The following ANKRD36C variants were observed in gnomAD, a reference collection of about 807,000 sequenced individuals.
ANKRD36C encodes ankyrin repeat domain-containing protein 36C.
A neutral mutation model predicts 276.4 loss-of-function variants in ANKRD36C; 61 were observed. That is an observed-to-expected ratio of 0.22 (90% CI 0.18 to 0.27). The LOEUF is 0.27. Ranked by LOEUF, ANKRD36C falls within the 10% of genes least tolerant of loss-of-function variation. ANKRD36C has a pLI of 1.00. For synonymous variants in ANKRD36C, 483 were observed against 680.1 expected, an observed-to-expected ratio of 0.71 and a Z score of 4.51; for missense variants, 1,447 against 2,032.3, an observed-to-expected ratio of 0.71 and a Z score of 5.54.
intron 32 of ANKRD36C, among the ~76,000 whole-genome samples, chr2:95,922,949 G>C (rs1677310783): frequency 6.6e-6 from 1 of 151,620 alleles, no homozygotes; most frequent in South Asian, 2.1e-4. Flanking sequence ...AAATGCATCT[G>C]AAGTGAGTTC....
intron 61 of ANKRD36C, among the ~76,000 whole-genome samples, chr2:95,859,045 T>G (rs1675496710): frequency 6.6e-6 from 1 of 152,148 alleles, no homozygotes; most frequent in African/African-American, 2.4e-5. Flanking sequence ...GATACTTTTT[T>G]TTTTTTTGAG....
chr2:95,984,165 T>C (rs1678979463), intron 3 of ANKRD36C, among the ~76,000 whole-genome samples: 1 of 151,728 alleles, frequency 6.6e-6, no homozygotes, highest in Non-Finnish European at 1.5e-5. Context: ...AAATATAAAA[T>C]GTCTTGAAAA....
In ANKRD36C at chr2:95,884,355, T is replaced by A. The variant is rs570670443; in HGVS notation, c.3177A>T (p.Arg1059Ser). The A allele has an allele frequency of 7.1e-5, 114 of 1,610,930 alleles. No individual in the cohort carries two copies. In the African/African-American group the frequency reaches 1.5e-3, roughly 21 times the overall value. Residue 1059 changes from arginine (R) to serine (S), a missense_variant, in exon 53 of 67, where the codon AGA (arginine) becomes AGT (serine). By Grantham distance (110) the Arg-to-Ser change is moderately radical (BLOSUM62 -1). Around this residue, in one of 13 missense-constraint regions of ANKRD36C, gnomAD observed 565 missense variants for 539.5 expected, o/e 1.05. Transcript: ENST00000456556. ...GTTTAATTACCTTCAAGGCTGGTTG[T>A]CTCTGAGAAGACACTGAAAAGCAAA...
At chr2:95,960,439 T>C in intron 10 of ANKRD36C, 34 bp downstream of exon 10, 1 of 1,540,512 alleles carries the variant, frequency 6.5e-7, no homozygotes, top group Non-Finnish European at 8.7e-7. Context: ...CTATCTTCAG[T>C]GAACGTGGCA....
At chr2:95,850,599 G>A (rs1165712919), downstream of ANKRD36C, among the ~76,000 whole-genome samples, 2 of 152,320 alleles carry the variant, frequency 1.3e-5, no homozygotes, top group South Asian at 2.1e-4. Flanking sequence ...GGTAAGTGGC[G>A]AAAGATAAGG....
At chr2:95,885,722 C>T (rs576290107) in intron 52 of ANKRD36C, among the ~76,000 whole-genome samples, 11 of 151,976 alleles carry the variant, frequency 7.2e-5, no homozygotes, top group South Asian at 6.2e-4. Flanking sequence ...TCTATTACTT[C>T]GTCTCGTTCT....
At chr2:95,919,209 A>C (rs1414698273) in intron 34 of ANKRD36C, among the ~76,000 whole-genome samples, 6 of 134,324 alleles carry the variant, frequency 4.5e-5, no homozygotes, top group Non-Finnish European at 6.7e-5. Flanking sequence ...TCCTCAGCAG[A>C]AACCCCTAAA....
chr2:95,876,848 T>G (rs1177813743), intron 58 of ANKRD36C, among the ~76,000 whole-genome samples: 2 of 109,014 alleles, frequency 1.8e-5, no homozygotes, highest in Admixed American at 1.1e-4. Context: ...AGCGAGACTG[T>G]GTCTCAAAAA....
intron 42 of ANKRD36C, 30 bp from the exon 53 acceptor site, chr2:95,903,111 CAT>C (rs1676705781): frequency 1.3e-6 from 2 of 1,552,972 alleles, no homozygotes; most frequent in Non-Finnish European, 1.7e-6. Context: ...CATAATCACT[CAT>C]ATGTAAAAAT....
downstream of ANKRD36C, among the ~76,000 whole-genome samples, chr2:95,849,010 A>G (rs1250517919): frequency 6.6e-6 from 1 of 152,196 alleles, no homozygotes; most frequent in Admixed American, 6.5e-5. Flanking sequence ...TTAACAGCCT[A>G]GTAATACAAT....
intron 20 of ANKRD36C, among the ~76,000 whole-genome samples, chr2:95,940,182 C>T (rs1188021503): frequency 6.6e-5 from 10 of 152,256 alleles, no homozygotes; most frequent in Admixed American, 2.0e-4. Flanking sequence ...GCCATCACGC[C>T]TGGCTAACTT....
At chr2:95,856,773 A>C (rs1363402415) in intron 62 of ANKRD36C, among the ~76,000 whole-genome samples, 1 of 152,228 alleles carries the variant, frequency 6.6e-6, no homozygotes, top group African/African-American at 2.4e-5. Flanking sequence ...ATAATTCTAT[A>C]GCAAAAGGTT....
intron 59 of ANKRD36C, among the ~76,000 whole-genome samples, chr2:95,875,030 A>G (rs1675911027): frequency 6.6e-6 from 1 of 152,226 alleles, no homozygotes; most frequent in South Asian, 2.1e-4. Context: ...TCTGCAAACA[A>G]CAGGTGCTGG....
At chr2:95,989,648 C>T (rs1679098142) in intron 1 of ANKRD36C, among the ~76,000 whole-genome samples, 2 of 151,866 alleles carry the variant, frequency 1.3e-5, no homozygotes, top group African/African-American at 4.8e-5. Flanking sequence ...TCTCTATTTC[C>T]TAGAGATATT....
At chr2:95,867,125 G>A (rs984221740) in intron 60 of ANKRD36C, among the ~76,000 whole-genome samples, 13 of 152,172 alleles carry the variant, frequency 8.5e-5, no homozygotes, top group African/African-American at 3.1e-4. Flanking sequence ...GACAGTTAGA[G>A]GGTTATCACA....
At chr2:95,914,728 T>C (rs1203861668) in intron 38 of ANKRD36C, among the ~76,000 whole-genome samples, 1 of 151,462 alleles carries the variant, frequency 6.6e-6, no homozygotes, top group Admixed American at 6.6e-5. Flanking sequence ...ACATTCACCA[T>C]GCTCTTTAAC....
At chr2:95,878,148 CACT>C (rs1179660383) in intron 58 of ANKRD36C, among the ~76,000 whole-genome samples, 29 of 147,302 alleles carry the variant, frequency 2.0e-4, no homozygotes, top group African/African-American at 5.8e-4. Context: ...TGTGCCATTA[CACT>C]CCAGGCTGGG....
Position 95,944,357 on chromosome 2 carries a change from C to A in ANKRD36C, c.1491+270G>T, listed in dbSNP as rs188809291. Among the ~76,000 whole-genome samples the A allele has an allele frequency of 2.1e-3, 318 of 152,274 alleles. 1 individual carries two copies. The highest frequency in any genetic ancestry group is 3.3e-3 in the Non-Finnish European group (225 of 68,006). ...CCTAAGAATCATTTACTCCCACAAC[C>A]TTTTAGGAATCCTAGTCCCATGCAT... On this transcript the variant is annotated intron_variant, in intron 19 of 66. Transcript: ENST00000456556.
chr2:95,983,525 C>G (rs1449701665), intron 3 of ANKRD36C, among the ~76,000 whole-genome samples: 2 of 151,794 alleles, frequency 1.3e-5, no homozygotes, highest in Non-Finnish European at 2.9e-5. Flanking sequence ...AATTAAAGCT[C>G]TAATAATGAC....
Sources: allele counts gnomAD v4.1 joint callset (sites outside exome capture counted in the v4.1 genomes callset), GRCh38; gene constraint gnomAD v4.1.1; regional missense constraint gnomAD v4.1.1; transcripts MANE v1.5; gene names NCBI Gene and HGNC (gene_info 2026-07-23, HGNC 2026-07-21).